Variants in CDH9 observed in about 807,000 individuals in gnomAD.
CDH9 encodes the protein cadherin 9, also known as cadherin-9.
A neutral mutation model predicts 70.9 loss-of-function variants in CDH9; 28 were observed. The observed-to-expected ratio is 0.40, with a 90% confidence interval of 0.29 to 0.54. The LOEUF (loss-of-function observed/expected upper bound fraction) is 0.54, where lower values mean the gene tolerates loss of function less well. Ranked by LOEUF, CDH9 falls within the 20% of genes least tolerant of loss-of-function variation. The pLI is 0.59. For missense variants in CDH9, 874 were observed against 984.4 expected (o/e 0.89, Z 1.50); for synonymous variants, 409 against 343.1 (o/e 1.19, Z -2.12).
At chr5:26,968,232 A>G (rs1419368416) in intron 2 of CDH9, among the ~76,000 whole-genome samples, 2 of 152,124 alleles carry the variant, frequency 1.3e-5, no homozygotes, top group African/African-American at 4.8e-5. Flanking sequence ...AAGAGAAGAA[A>G]TCCAGAGACG....
At chr5:26,910,235 C>CTATA (rs773960704) in intron 3 of CDH9, among the ~76,000 whole-genome samples, 1 of 140,908 alleles carries the variant, frequency 7.1e-6, no homozygotes, top group African/African-American at 2.5e-5. Flanking sequence ...ATCTATCTAT[C>CTATA]TATCTATCTA....
At chr5:26,917,090 C>T (rs1457375213) in intron 2 of CDH9, among the ~76,000 whole-genome samples, 1 of 151,922 alleles carries the variant, frequency 6.6e-6, no homozygotes, top group East Asian at 1.9e-4. Flanking sequence ...AAAGATTTTA[C>T]AATCCTAACA....
intron 2 of CDH9, among the ~76,000 whole-genome samples, chr5:26,971,275 A>T (rs760124658): frequency 1.3e-5 from 2 of 152,166 alleles, no homozygotes; most frequent in Non-Finnish European, 2.9e-5. Context: ...GGATTCACTC[A>T]TCGGTCATAT....
chr5:26,986,808 A>T (rs1479523380), intron 2 of CDH9, among the ~76,000 whole-genome samples: 1 of 152,082 alleles, frequency 6.6e-6, no homozygotes, highest in Non-Finnish European at 1.5e-5. Flanking sequence ...ATGTTAAATG[A>T]GGGATGCCTG....
At chr5:27,022,510 A>G (rs1273364020) in intron 1 of CDH9, among the ~76,000 whole-genome samples, 2 of 152,116 alleles carry the variant, frequency 1.3e-5, no homozygotes, top group African/African-American at 2.4e-5. Flanking sequence ...GAGTTCAGTC[A>G]AATGAGTTGA....
chr5:27,001,844 A>ACTCTCTCTCTCTCTCTCTCTCTCTCTCT (rs141271541), intron 1 of CDH9, among the ~76,000 whole-genome samples: 3 of 142,000 alleles, frequency 2.1e-5, no homozygotes, highest in Admixed American at 7.1e-5. Context: ...ACACACACAC[A>ACTCTCTCTCTCTCTCTCTCTCTCTCTCT]CTCTCTCTCT....
intron 1 of CDH9, among the ~76,000 whole-genome samples, chr5:27,006,980 T>C (rs1742875021): frequency 6.6e-6 from 1 of 151,982 alleles, no homozygotes; most frequent in African/African-American, 2.4e-5. Flanking sequence ...CCCCTAGAAG[T>C]CATTTATTGA....
At position 26,941,796 on chromosome 5, in the gene CDH9, G is replaced by A. The variant is rs147222789; in HGVS notation, c.229-25872C>T. On this transcript the variant is annotated intron_variant, in intron 2 of 11. Coordinates refer to ENST00000231021, the MANE Select transcript of CDH9 (RefSeq NM_016279.4). ...CTTGCTGTTTTCTCTTGCTTATAAC[G>A]GTCAAGGAAACTGGGTAATTTACAA... Among the ~76,000 whole-genome samples, 515 of 152,222 alleles carry A rather than the reference G, an allele frequency of 3.4e-3. 1 individual carries two copies. Among genetic ancestry groups the A allele is most frequent in the African/African-American group, 0.011 (472 of 41,546 alleles).
chr5:26,897,722 G>C (rs1209557557), intron 7 of CDH9, among the ~76,000 whole-genome samples: 2 of 152,076 alleles, frequency 1.3e-5, no homozygotes, highest in Non-Finnish European at 2.9e-5. Context: ...ATACTGAATG[G>C]GCACAGGCTG....
intron 5 of CDH9, among the ~76,000 whole-genome samples, chr5:26,904,501 C>CT (rs1408261956): frequency 6.6e-6 from 1 of 152,024 alleles, no homozygotes; most frequent in African/African-American, 2.4e-5. Flanking sequence ...TATACAAGGT[C>CT]TAAAGGCTTA....
At chr5:26,912,006 G>C (rs1305995969) in intron 3 of CDH9, among the ~76,000 whole-genome samples, 1 of 151,796 alleles carries the variant, frequency 6.6e-6, no homozygotes, top group African/African-American at 2.4e-5. Context: ...GGAAATAAGG[G>C]GCAGATAAAT....
chr5:26,992,211 A>G (rs1348135629), intron 1 of CDH9, among the ~76,000 whole-genome samples: 1 of 152,018 alleles, frequency 6.6e-6, no homozygotes, highest in Non-Finnish European at 1.5e-5. Flanking sequence ...CCTGCTGCTC[A>G]CCTCCTGCTG....
intron 1 of CDH9, among the ~76,000 whole-genome samples, chr5:27,032,153 C>A (rs1743320355): frequency 6.6e-6 from 1 of 151,524 alleles, no homozygotes; most frequent in Non-Finnish European, 1.5e-5. Context: ...TTTTAATATG[C>A]TGAAATAGCC....
intron 1 of CDH9, among the ~76,000 whole-genome samples, chr5:27,021,132 G>A (rs1210607200): frequency 6.6e-6 from 1 of 151,638 alleles, no homozygotes; most frequent in East Asian, 1.9e-4. Context: ...GCATATTAGG[G>A]GAGTCTCTCC....
chr5:26,954,186 G>A (rs1279475853), intron 2 of CDH9, among the ~76,000 whole-genome samples: 1 of 151,862 alleles, frequency 6.6e-6, no homozygotes, highest in Admixed American at 6.5e-5. Context: ...GGATTACCAG[G>A]TCTCTGTTGG....
At chr5:26,988,434 C>T (rs1742524898) in intron 1 of CDH9, 52 bp from the exon 2 acceptor site, 1 of 1,443,620 alleles carries the variant, frequency 6.9e-7, no homozygotes, top group Non-Finnish European at 9.3e-7. Flanking sequence ...TTTCACTTTC[C>T]CACAACGTGT....
At chr5:26,972,301 T>C (rs1280035867) in intron 2 of CDH9, among the ~76,000 whole-genome samples, 1 of 152,090 alleles carries the variant, frequency 6.6e-6, no homozygotes, top group Non-Finnish European at 1.5e-5. Context: ...TTTTGGAGTT[T>C]GGAAGAGAAA....
intron 2 of CDH9, among the ~76,000 whole-genome samples, chr5:26,961,970 T>A (rs1360865992): frequency 6.6e-6 from 1 of 152,128 alleles, no homozygotes; most frequent in African/African-American, 2.4e-5. Context: ...ATGCTATCCC[T>A]TCCCTCGCCC....
chr5:26,921,525 A>G (rs552284925), intron 2 of CDH9, among the ~76,000 whole-genome samples: 1 of 152,310 alleles, frequency 6.6e-6, no homozygotes, highest in African/African-American at 2.4e-5. Flanking sequence ...CACAAGTGGA[A>G]AAACTGGACA....
Sources: gnomAD v4.1 joint callset for allele counts (sites outside exome capture counted in the v4.1 genomes callset) on GRCh38, gnomAD v4.1.1 for gene constraint, MANE v1.5 for transcripts, NCBI Gene and HGNC (gene_info 2026-07-23, HGNC 2026-07-21) for gene names.